ADAMTSL1: variants seen among roughly 807,000 people sequenced by gnomAD.
ADAMTSL1 encodes the protein ADAMTS like 1.
A neutral mutation model predicts 201.8 loss-of-function variants in ADAMTSL1; 126 were observed. That is an observed-to-expected ratio of 0.62 (90% CI 0.54 to 0.72). The LOEUF (loss-of-function observed/expected upper bound fraction) is 0.72, where lower values mean the gene tolerates loss of function less well. Ranked by LOEUF, ADAMTSL1 falls within the 30% of genes least tolerant of loss-of-function variation. The probability of loss-of-function intolerance (pLI) is 0.00; values close to 1 mark genes in which losing one functional copy is unlikely to be tolerated. For synonymous variants in ADAMTSL1, 1,121 were observed against 903.4 expected (o/e 1.24, Z -4.32); for missense variants, 2,679 against 2,277.8 (o/e 1.18, Z -3.59).
chr9:18,392,324 A>G (rs993061764), intron 2 of ADAMTSL1, among the ~76,000 whole-genome samples: 3 of 152,194 alleles, frequency 2.0e-5, no homozygotes, highest in South Asian at 2.1e-4. Context: ...ATAAAGAGGC[A>G]CTCACTAGCC....
chr9:18,708,155 G>C (rs1832340476), intron 14 of ADAMTSL1, among the ~76,000 whole-genome samples: 2 of 152,204 alleles, frequency 1.3e-5, no homozygotes, highest in Admixed American at 1.3e-4. Flanking sequence ...TCTAAACCAT[G>C]ATATTTTGGA....
At chr9:18,346,717 C>T (rs145978966) in intron 2 of ADAMTSL1, among the ~76,000 whole-genome samples, 1,749 of 152,176 alleles carry the variant, frequency 0.011, 19 homozygotes, top group Non-Finnish European at 0.02. Flanking sequence ...AAACTGAAGT[C>T]CAGAAATCTT....
At chr9:18,437,177 T>C (rs1819775893) in intron 2 of ADAMTSL1, among the ~76,000 whole-genome samples, 1 of 151,950 alleles carries the variant, frequency 6.6e-6, no homozygotes, top group African/African-American at 2.4e-5. Context: ...TCCAACCCTC[T>C]TGCAAATCCA....
intron 3 of ADAMTSL1, among the ~76,000 whole-genome samples, chr9:18,544,595 A>G (rs1050339239): frequency 6.6e-6 from 1 of 152,138 alleles, no homozygotes; most frequent in Admixed American, 6.6e-5. Context: ...ATTGAGTGAT[A>G]TGAGCTGGCA....
At chr9:18,687,855 C>G (rs1006885006) in intron 13 of ADAMTSL1, among the ~76,000 whole-genome samples, 2 of 152,112 alleles carry the variant, frequency 1.3e-5, no homozygotes, top group African/African-American at 4.8e-5. Context: ...GTACCAACAG[C>G]CAACATTGTG....
intron 3 of ADAMTSL1, among the ~76,000 whole-genome samples, chr9:18,545,477 G>T (rs1418351243): frequency 6.6e-6 from 1 of 151,940 alleles, no homozygotes; most frequent in Non-Finnish European, 1.5e-5. Flanking sequence ...TTTAAGAAAA[G>T]AGATATTCAA....
At chr9:17,976,198 A>G (rs1818439975) in intron 1 of ADAMTSL1, among the ~76,000 whole-genome samples, 2 of 151,072 alleles carry the variant, frequency 1.3e-5, no homozygotes, top group Non-Finnish European at 2.9e-5. Flanking sequence ...CGCTTTAGCT[A>G]TTTGGGGATC....
At chr9:18,719,643 C>A in intron 14 of ADAMTSL1, among the ~76,000 whole-genome samples, 1 of 152,214 alleles carries the variant, frequency 6.6e-6, no homozygotes, top group East Asian at 1.9e-4. Context: ...GGATTACAGG[C>A]ATGAGCCACT....
intron 2 of ADAMTSL1, among the ~76,000 whole-genome samples, chr9:18,382,729 T>G (rs1837610430): frequency 6.6e-6 from 1 of 152,102 alleles, no homozygotes; most frequent in African/African-American, 2.4e-5. Context: ...GACATCACAG[T>G]GTACTTCTTG....
intron 2 of ADAMTSL1, among the ~76,000 whole-genome samples, chr9:18,394,033 A>G (rs1050234276): frequency 6.6e-6 from 1 of 152,250 alleles, no homozygotes; most frequent in Non-Finnish European, 1.5e-5. Flanking sequence ...GGAAAGTAAT[A>G]AAGCCTTTAA....
intron 1 of ADAMTSL1, among the ~76,000 whole-genome samples, chr9:18,008,275 C>T (rs1044550989): frequency 6.6e-6 from 1 of 152,002 alleles, no homozygotes; most frequent in African/African-American, 2.4e-5. Context: ...GAGATTTCCA[C>T]ATTGTCCTTT....
chr9:18,432,532 T>G lies in ADAMTSL1; in HGVS notation c.208-72297T>G, dbSNP rs571049307. Among the ~76,000 whole-genome samples, 17 of 152,282 alleles carry G rather than the reference T, an allele frequency of 1.1e-4. No individual in the cohort carries two copies. The East Asian group carries it at 3.3e-3, about 29-fold the overall frequency. On this transcript the variant is annotated intron_variant, in intron 2 of 29. Transcript: ENST00000680146. The stretch of plus-strand genomic sequence containing the variant: ...ATTCTGAATCTTATGTAGCTTACAT[T>G]ATTCTATCTTTCCCATAGCACATCA...
chr9:18,628,309 G>A (rs1378728087), intron 5 of ADAMTSL1, among the ~76,000 whole-genome samples: 2 of 151,958 alleles, frequency 1.3e-5, no homozygotes, highest in Admixed American at 6.6e-5. Context: ...TCGTATAGAC[G>A]CCCAATTCTT....
chr9:18,486,899 T>C (rs1486585457), intron 1 of ADAMTSL1, among the ~76,000 whole-genome samples: 2 of 152,196 alleles, frequency 1.3e-5, no homozygotes, highest in African/African-American at 4.8e-5. Flanking sequence ...CTCCTTAGAT[T>C]CATGTCACAA....
intron 2 of ADAMTSL1, among the ~76,000 whole-genome samples, chr9:18,511,724 C>G (rs1028587396): frequency 5.3e-5 from 8 of 152,138 alleles, no homozygotes. Context: ...CACAGATATT[C>G]TGCCATGAAA....
At chr9:18,384,600 C>T (rs1837707739) in intron 2 of ADAMTSL1, among the ~76,000 whole-genome samples, 1 of 152,166 alleles carries the variant, frequency 6.6e-6, no homozygotes, top group Non-Finnish European at 1.5e-5. Context: ...GTACCTGCCC[C>T]ACCGGGATGT....
intron 1 of ADAMTSL1, among the ~76,000 whole-genome samples, chr9:17,991,652 A>T (rs1302638830): frequency 6.6e-6 from 1 of 152,162 alleles, no homozygotes; most frequent in Non-Finnish European, 1.5e-5. Flanking sequence ...TTGTATAACA[A>T]TGTGAACCTG....
intron 14 of ADAMTSL1, among the ~76,000 whole-genome samples, chr9:18,710,196 C>T (rs1053354024): frequency 6.6e-6 from 1 of 152,204 alleles, no homozygotes; most frequent in Non-Finnish European, 1.5e-5. Flanking sequence ...CAACCCATTC[C>T]CACCTCCCCT....
chr9:18,008,454 C>T (rs1277790034), intron 1 of ADAMTSL1, among the ~76,000 whole-genome samples: 1 of 151,938 alleles, frequency 6.6e-6, no homozygotes, highest in Non-Finnish European at 1.5e-5. Flanking sequence ...CTGCCACTCT[C>T]AGCTTGAGTA....
Sources: allele counts gnomAD v4.1 joint callset (sites outside exome capture counted in the v4.1 genomes callset), GRCh38; gene constraint gnomAD v4.1.1; transcripts MANE v1.5; gene names NCBI Gene and HGNC (gene_info 2026-07-23, HGNC 2026-07-21).